The following IQSEC3 variants were observed in gnomAD, a reference collection of about 807,000 sequenced individuals.
IQSEC3 encodes IQ motif and SEC7 domain-containing protein 3.
A neutral mutation model predicts 105.4 loss-of-function variants in IQSEC3; 50 were observed. The ratio of observed to expected loss-of-function variants is 0.47; its 90% CI spans 0.38 to 0.60. The LOEUF (loss-of-function observed/expected upper bound fraction) is 0.60. Among genes scored for constraint, IQSEC3 ranks in the 20% least tolerant of loss-of-function variants. The pLI, the probability that IQSEC3 is intolerant of heterozygous loss-of-function variation, is 0.00. For missense variants in IQSEC3, 1,415 were observed against 1,630.0 expected, an observed-to-expected ratio of 0.87 and a Z score of 2.27; for synonymous variants, 708 against 746.0, an observed-to-expected ratio of 0.95 and a Z score of 0.83.
intron 1 of IQSEC3, among the ~76,000 whole-genome samples, chr12:87,742 AG>A (rs1184445173): frequency 1.4e-4 from 22 of 152,200 alleles, no homozygotes; most frequent in African/African-American, 4.6e-4. Flanking sequence ...CCAGTGGGGG[AG>A]GAAAGGGGGT....
At chr12:128,358 G>A (rs1179973551) in intron 3 of IQSEC3, among the ~76,000 whole-genome samples, 2 of 152,136 alleles carry the variant, frequency 1.3e-5, no homozygotes, top group Admixed American at 6.5e-5. Flanking sequence ...GATAAGAGAC[G>A]GGAAATGATC....
chr12:173,382 G>A (rs942849954), intron 13 of IQSEC3, among the ~76,000 whole-genome samples: 2 of 152,218 alleles, frequency 1.3e-5, no homozygotes, highest in Non-Finnish European at 2.9e-5. Flanking sequence ...GCGGAGCCTC[G>A]GGAGGGAAGT....
intron 3 of IQSEC3, among the ~76,000 whole-genome samples, chr12:127,417 G>A (rs950526295): frequency 5.3e-5 from 8 of 152,186 alleles, no homozygotes; most frequent in Middle Eastern, 3.2e-3. Context: ...TACTCAGGAG[G>A]CTGAGGCAGA....
intron 1 of IQSEC3, among the ~76,000 whole-genome samples, chr12:72,240 A>C (rs530400229): frequency 6.4e-4 from 97 of 152,064 alleles, no homozygotes; most frequent in African/African-American, 2.2e-3. Context: ...GATTCAGCAA[A>C]TCTCTGCGCA....
chr12:169,378 G>A (rs572700726), intron 12 of IQSEC3, among the ~76,000 whole-genome samples: 2 of 152,306 alleles, frequency 1.3e-5, no homozygotes, highest in Admixed American at 6.5e-5. Flanking sequence ...GAGGAGTCAG[G>A]CAAGAGTCCT....
intron 5 of IQSEC3, chr12:142,731 G>A (rs1326697043): frequency 6.6e-6 from 1 of 152,306 alleles, no homozygotes; most frequent in African/African-American, 2.4e-5. Flanking sequence ...CACTGCTGTG[G>A]GGGCCCATGG....
chr12:174,729 C>T lies in IQSEC3; in HGVS notation c.3245C>T (p.Pro1082Leu), dbSNP rs758662655. 1.3e-5 allele frequency: 20 copies of T among 1,592,788 alleles called. No individual in the cohort carries two copies. Among genetic ancestry groups the T allele is most frequent in the African/African-American group, 2.7e-5 (2 of 74,768 alleles). The part of the protein sequence containing the change: ...PRQQTPPLPP[P>L]PPTPPGTLVQ... ...CAGCAGACCCCACCACTGCCGCCGCCGCCACCCACGCCCCCGGGCACCCTG... is the reference window on the plus strand; with the variant it reads ...CAGCAGACCCCACCACTGCCGCCGCTGCCACCCACGCCCCCGGGCACCCTG... Residue 1082 changes from proline to leucine, a missense_variant, in exon 14 of 14, where the codon CCG becomes CTG. By Grantham distance (98) the Pro-to-Leu change is moderately conservative. Coordinates refer to ENST00000538872, the MANE Select transcript of IQSEC3 (RefSeq NM_001170738.2).
At chr12:71,711 C>A (rs1415371298) in intron 1 of IQSEC3, among the ~76,000 whole-genome samples, 1 of 152,292 alleles carries the variant, frequency 6.6e-6, no homozygotes, top group Non-Finnish European at 1.5e-5. Flanking sequence ...AACCCTATCA[C>A]TAGGTGAGGA....
intron 2 of IQSEC3, among the ~76,000 whole-genome samples, chr12:116,940 G>A (rs79215187): frequency 3.6e-3 from 548 of 152,308 alleles, no homozygotes; most frequent in Admixed American, 6.9e-3. Context: ...GGCTTCAAAC[G>A]TGCTCTTTCT....
At chr12:119,069 T>C (rs1278886787) in intron 2 of IQSEC3, among the ~76,000 whole-genome samples, 1 of 152,204 alleles carries the variant, frequency 6.6e-6, no homozygotes, top group Admixed American at 6.5e-5. Context: ...GGTATTTGCA[T>C]CCCCATTTTG....
At chr12:116,295 C>T (rs1316236192) in intron 2 of IQSEC3, among the ~76,000 whole-genome samples, 3 of 152,208 alleles carry the variant, frequency 2.0e-5, no homozygotes, top group Non-Finnish European at 4.4e-5. Flanking sequence ...GAGGCTGCGA[C>T]TCTACCCCTA....
chr12:162,431 T>C (rs1283716125), intron 8 of IQSEC3, among the ~76,000 whole-genome samples: 1 of 152,112 alleles, frequency 6.6e-6, no homozygotes, highest in Non-Finnish European at 1.5e-5. Context: ...GGAAATGGGC[T>C]CAATAGGCTC....
Position 163,488 on chromosome 12 carries a change from G to A in IQSEC3, c.2584-6G>A, listed in dbSNP as rs374431695. The A allele has an allele frequency of 1.5e-5, 24 of 1,600,760 alleles. No homozygotes were observed. Among genetic ancestry groups the A allele is most frequent in the African/African-American group, 2.7e-5 (2 of 74,592 alleles). On this transcript the variant is annotated splice_region_variant and splice_polypyrimidine_tract_variant and intron_variant, in intron 8 of 13. Coordinates refer to ENST00000538872, the MANE Select transcript of IQSEC3 (RefSeq NM_001170738.2). ...CTCTCCCGCTGAGCGCCCTGCCCGC[G>A]TGCAGGTGCTGTCCGTGCCCCACCG...
intron 2 of IQSEC3, 78 bp from the exon 3 acceptor site, chr12:125,555 T>C: frequency 7.3e-7 from 1 of 1,378,060 alleles, no homozygotes; most frequent in Non-Finnish European, 9.4e-7. Flanking sequence ...AGTGCCTAGC[T>C]TCTCTCCCCG....
intron 5 of IQSEC3, among the ~76,000 whole-genome samples, chr12:150,854 C>A (rs1353110923): frequency 6.6e-6 from 1 of 152,106 alleles, no homozygotes; most frequent in Non-Finnish European, 1.5e-5. Flanking sequence ...AAAAGACAAG[C>A]ACTTGGGTGC....
chr12:162,345 G>C (rs1247095529), intron 8 of IQSEC3, among the ~76,000 whole-genome samples: 2 of 152,130 alleles, frequency 1.3e-5, no homozygotes, highest in South Asian at 2.1e-4. Flanking sequence ...TGGGTGGCCA[G>C]ATGAGATTTA....
chr12:75,643 G>A (rs1432786517), intron 1 of IQSEC3, among the ~76,000 whole-genome samples: 1 of 152,260 alleles, frequency 6.6e-6, no homozygotes, highest in Non-Finnish European at 1.5e-5. Context: ...AGCAGAGGTT[G>A]GTGTCGCACG....
At chr12:116,939 C>T (rs1315071800) in intron 2 of IQSEC3, among the ~76,000 whole-genome samples, 1 of 152,196 alleles carries the variant, frequency 6.6e-6, no homozygotes, top group African/African-American at 2.4e-5. Flanking sequence ...AGGCTTCAAA[C>T]GTGCTCTTTC....
intron 3 of IQSEC3, among the ~76,000 whole-genome samples, chr12:132,214 G>A (rs782278279): frequency 7.9e-5 from 12 of 152,154 alleles, no homozygotes; most frequent in Admixed American, 1.3e-4. Context: ...TTGAGGTTGG[G>A]GAGAGCATTG....
Sources: allele counts gnomAD v4.1 joint callset (sites outside exome capture counted in the v4.1 genomes callset), GRCh38; gene constraint gnomAD v4.1.1; transcripts MANE v1.5; gene names NCBI Gene and HGNC (gene_info 2026-07-23, HGNC 2026-07-21).